ZNF676: variants seen among roughly 807,000 people sequenced by gnomAD.
ZNF676 encodes zinc finger protein 676.
A neutral mutation model predicts 6.0 loss-of-function variants in ZNF676; 4 were observed. The observed-to-expected ratio is 0.67, with a 90% CI of 0.33 to 1.53. ZNF676 has a LOEUF of 1.53. ZNF676 is among the 40% of genes most tolerant of loss of function. ZNF676 has a pLI of 0.06. For missense variants in ZNF676, 644 were observed against 679.7 expected (o/e 0.95, Z 0.58); for synonymous variants, 198 against 223.1 (o/e 0.89, Z 1.00).
the ZNF676 span, among the ~76,000 whole-genome samples, chr19:22,232,414 C>A: frequency 6.6e-6 from 1 of 152,144 alleles, no homozygotes; most frequent in African/African-American, 2.4e-5. Flanking sequence ...GATCTGCCTG[C>A]CTTGTCCTTC....
the ZNF676 span, among the ~76,000 whole-genome samples, chr19:22,257,870 A>G: frequency 1.3e-5 from 2 of 152,126 alleles, no homozygotes; most frequent in African/African-American, 2.4e-5. Context: ...TAGGAAGAAA[A>G]GAAAAATTAC....
At chr19:22,182,813 A>C (rs2023779231) in intron 2 of ZNF676, among the ~76,000 whole-genome samples, 1 of 152,010 alleles carries the variant, frequency 6.6e-6, no homozygotes, top group African/African-American at 2.4e-5. Flanking sequence ...AGTCATATAA[A>C]AATACATTAT....
chr19:22,245,879 C>T, the ZNF676 span, among the ~76,000 whole-genome samples: 4 of 152,064 alleles, frequency 2.6e-5, no homozygotes, highest in East Asian at 5.8e-4. Context: ...GATGATATGT[C>T]ACAATCACTT....
the ZNF676 span, among the ~76,000 whole-genome samples, chr19:22,256,577 G>A: frequency 1.9e-3 from 292 of 152,250 alleles, 2 homozygotes; most frequent in African/African-American, 6.7e-3. Flanking sequence ...TATCTCACTG[G>A]TAATGGATGC....
chr19:22,235,031 A>AG, the ZNF676 span, among the ~76,000 whole-genome samples: 1 of 147,650 alleles, frequency 6.8e-6, no homozygotes, highest in African/African-American at 2.5e-5. Flanking sequence ...AAAGAAAGAA[A>AG]GAAAAGAAAA....
intron 1 of ZNF676, 118 bp downstream of exon 1, chr19:22,196,482 A>C: frequency 6.3e-7 from 1 of 1,578,378 alleles, no homozygotes; most frequent in Non-Finnish European, 8.6e-7. Flanking sequence ...TTCCAAATAT[A>C]CTCTTTTGTC....
At chr19:22,253,380 A>ATATATATATATATATATGATAATGTG in the ZNF676 span, among the ~76,000 whole-genome samples, 1 of 114,416 alleles carries the variant, frequency 8.7e-6, no homozygotes, top group African/African-American at 3.5e-5. Context: ...GTGTATATAT[A>ATATATATATATATATATGATAATGTG]TATATATATA....
chr19:22,209,266 C>A (rs2024107261), intron 1 of ZNF676, among the ~76,000 whole-genome samples: 1 of 145,286 alleles, frequency 6.9e-6, no homozygotes, highest in Non-Finnish European at 1.5e-5. Flanking sequence ...CATATCAAAA[C>A]AAACAAACAA....
the ZNF676 span, among the ~76,000 whole-genome samples, chr19:22,228,936 A>G: frequency 6.6e-6 from 1 of 152,306 alleles, no homozygotes; most frequent in African/African-American, 2.4e-5. Context: ...TGCCTAAGGT[A>G]ATTTATAGAC....
chr19:22,252,811 A>G, the ZNF676 span, among the ~76,000 whole-genome samples: 1 of 152,228 alleles, frequency 6.6e-6, no homozygotes, highest in Non-Finnish European at 1.5e-5. Flanking sequence ...GACATTGACT[A>G]AGCGCTGGTG....
In ZNF676 at chr19:22,196,665, T is replaced by C. The variant is rs754496951; in HGVS notation, c.-32A>G. 6.2e-7 allele frequency: 1 copy of C among 1,613,620 alleles called. No individual in the cohort carries two copies. The highest frequency in any genetic ancestry group is 8.5e-7 in the Non-Finnish European group (1 of 1,179,622). On this transcript the variant is annotated 5_prime_UTR_variant, in exon 1 of 3. Coordinates refer to ENST00000397121, the MANE Select transcript of ZNF676 (RefSeq NM_001001411.3). Reference sequence around the variant, plus strand: ...CCTATATAAATTCTGCTGTGTAGAATCCAGGCATTGCCACTCCTCCAGAGA... The same window carrying C: ...CCTATATAAATTCTGCTGTGTAGAACCCAGGCATTGCCACTCCTCCAGAGA...
the ZNF676 span, among the ~76,000 whole-genome samples, chr19:22,255,714 G>A: frequency 6.6e-6 from 1 of 151,874 alleles, no homozygotes; most frequent in Non-Finnish European, 1.5e-5. Context: ...GCGTGGTGGC[G>A]GGTGCCTGTT....
the ZNF676 span, among the ~76,000 whole-genome samples, chr19:22,226,536 AAG>A: frequency 1.3e-5 from 2 of 151,806 alleles, no homozygotes; most frequent in Non-Finnish European, 2.9e-5. Context: ...GAATATGTTA[AAG>A]AGTGTTTTAT....
At chr19:22,251,776 G>C in the ZNF676 span, among the ~76,000 whole-genome samples, 1 of 132,556 alleles carries the variant, frequency 7.5e-6, no homozygotes, top group Non-Finnish European at 1.6e-5. Flanking sequence ...GACAGAGCAA[G>C]ACTCCATCTC....
At chr19:22,235,028 G>GAAAGAAAGA in the ZNF676 span, among the ~76,000 whole-genome samples, 73 of 62,332 alleles carry the variant, frequency 1.2e-3, 1 homozygote, top group African/African-American at 5.1e-3. Context: ...AAGAAAGAAA[G>GAAAGAAAGA]AAAGAAAAGA....
At chr19:22,195,193 A>C (rs1250177735) in intron 1 of ZNF676, among the ~76,000 whole-genome samples, 25 of 152,218 alleles carry the variant, frequency 1.6e-4, no homozygotes, top group Admixed American at 1.6e-3. Context: ...GCACAACTAC[A>C]TGAGAAATCT....
chr19:22,257,294 C>A, the ZNF676 span, among the ~76,000 whole-genome samples: 1 of 152,066 alleles, frequency 6.6e-6, no homozygotes, highest in African/African-American at 2.4e-5. Flanking sequence ...AAAGGCACAA[C>A]CCCTACAAGA....
the ZNF676 span, among the ~76,000 whole-genome samples, chr19:22,240,615 G>A: frequency 2.0e-5 from 3 of 151,960 alleles, no homozygotes; most frequent in South Asian, 4.1e-4. Flanking sequence ...CCAACAAGGT[G>A]AAGCCCCATC....
At chr19:22,206,856 T>G (rs2024081683) in intron 1 of ZNF676, among the ~76,000 whole-genome samples, 1 of 152,168 alleles carries the variant, frequency 6.6e-6, no homozygotes, top group Non-Finnish European at 1.5e-5. Context: ...CACAAGATTA[T>G]CTCAATAGAT....
Sources: gnomAD v4.1 joint callset for allele counts (sites outside exome capture counted in the v4.1 genomes callset) on GRCh38, gnomAD v4.1.1 for gene constraint, MANE v1.5 for transcripts, NCBI Gene and HGNC (gene_info 2026-07-23, HGNC 2026-07-21) for gene names.